ABHD17C: variants seen among roughly 807,000 people sequenced by gnomAD.
ABHD17C encodes the protein alpha/beta hydrolase domain-containing protein 17C.
Under a neutral mutation model 27.9 loss-of-function variants are expected in ABHD17C, and 11 were observed. That is an observed-to-expected ratio of 0.39 (90% CI 0.25 to 0.65). The LOEUF (loss-of-function observed/expected upper bound fraction) is 0.65. Ranked by LOEUF, ABHD17C falls within the 30% of genes least tolerant of loss-of-function variation. The pLI, the probability that ABHD17C is intolerant of heterozygous loss-of-function variation, is 0.45. For synonymous variants in ABHD17C, 233 were observed against 209.1 expected, an observed-to-expected ratio of 1.11 and a Z score of -0.98; for missense variants, 280 against 470.2, an observed-to-expected ratio of 0.60 and a Z score of 3.74.
At chr15:80,725,071 C>T (rs1414979924) in intron 1 of ABHD17C, among the ~76,000 whole-genome samples, 5 of 152,150 alleles carry the variant, frequency 3.3e-5, no homozygotes, top group East Asian at 1.9e-4. Context: ...GGAAGAGGCA[C>T]GAAGACACCA....
intron 1 of ABHD17C, among the ~76,000 whole-genome samples, chr15:80,709,447 C>G (rs372805931): frequency 1.1e-4 from 16 of 151,496 alleles, no homozygotes; most frequent in African/African-American, 3.6e-4. Context: ...TGGGATTACG[C>G]CACTGCACTT....
At chr15:80,729,575 C>A (rs973926876) in intron 1 of ABHD17C, among the ~76,000 whole-genome samples, 1 of 152,036 alleles carries the variant, frequency 6.6e-6, no homozygotes, top group African/African-American at 2.4e-5. Context: ...AAAAACAGTT[C>A]TTGACTACCT....
rs150694702 is a variant in ABHD17C, at chr15:80,707,272, C to A, written c.590+11253C>A. On this transcript the variant is annotated intron_variant, in intron 1 of 2. Transcript: ENST00000258884. ...GATGGAAATGATTTTTAGGGGAATT[C>A]AATGGACTTGAAGAACATACAGTGG... 1.5e-4 allele frequency among the ~76,000 whole-genome samples: 23 copies of A among 152,218 alleles called. No homozygotes were observed. In the East Asian group the frequency reaches 4.4e-3, roughly 29 times the overall value.
chr15:80,712,318 C>T (rs560426823), intron 1 of ABHD17C, among the ~76,000 whole-genome samples: 1 of 152,144 alleles, frequency 6.6e-6, no homozygotes, highest in Non-Finnish European at 1.5e-5. Context: ...GGATGTGGGG[C>T]CTTCATCTCC....
chr15:80,725,982 C>A (rs1487328825), intron 1 of ABHD17C, among the ~76,000 whole-genome samples: 1 of 152,130 alleles, frequency 6.6e-6, no homozygotes, highest in Non-Finnish European at 1.5e-5. Context: ...CCTTCAGAGC[C>A]GAGAGCCCCG....
intron 1 of ABHD17C, among the ~76,000 whole-genome samples, chr15:80,738,648 C>T (rs1050255550): frequency 3.9e-5 from 6 of 152,036 alleles, no homozygotes; most frequent in African/African-American, 1.4e-4. Flanking sequence ...AAAAATTCAT[C>T]CTAGTTCCCA....
chr15:80,728,122 A>G (rs1249956399), intron 1 of ABHD17C, among the ~76,000 whole-genome samples: 2 of 152,174 alleles, frequency 1.3e-5, no homozygotes. Context: ...ACCACCTTGT[A>G]AACTGTTGCC....
chr15:80,725,231 A>C (rs1894956719), intron 1 of ABHD17C, among the ~76,000 whole-genome samples: 1 of 152,242 alleles, frequency 6.6e-6, no homozygotes, highest in Admixed American at 6.5e-5. Flanking sequence ...CACTGAACCC[A>C]TAAATACAGA....
At chr15:80,718,896 T>G (rs1894848338) in intron 1 of ABHD17C, among the ~76,000 whole-genome samples, 1 of 152,200 alleles carries the variant, frequency 6.6e-6, no homozygotes, top group Non-Finnish European at 1.5e-5. Context: ...TCAGTCTGAA[T>G]AATGCCAGCA....
chr15:80,703,812 C>G (rs908034152), intron 1 of ABHD17C, among the ~76,000 whole-genome samples: 1 of 152,202 alleles, frequency 6.6e-6, no homozygotes, highest in East Asian at 1.9e-4. Context: ...TCCCCCCTTA[C>G]CTGGTGGGGG....
intron 2 of ABHD17C, among the ~76,000 whole-genome samples, chr15:80,751,361 A>G (rs1448926356): frequency 1.3e-5 from 2 of 152,132 alleles, no homozygotes; most frequent in African/African-American, 4.8e-5. Context: ...TTCTGTCTCC[A>G]AAGGAAAAAA....
rs753545613 is a variant in ABHD17C at position 80,754,249 on chromosome 15, G to A, written c.869G>A (p.Arg290His). 1.3e-5 allele frequency: 21 copies of A among 1,613,776 alleles called. No homozygotes were observed. The highest frequency in any genetic ancestry group is 2.2e-5 in the South Asian group (2 of 91,078). Residue 290 changes from arginine (R) to histidine (H), a missense_variant, in exon 3 of 3, where the codon CGC becomes CAC. Transcript: ENST00000258884. The stretch of plus-strand genomic sequence containing the variant: ...TCCCATGGCCTAGCGATGTACGAGC[G>A]CTGTCCCCGAGCCGTGGAGCCCCTT... The part of the protein sequence containing the change: ...DFSHGLAMYE[R>H]CPRAVEPLWV...
intron 1 of ABHD17C, among the ~76,000 whole-genome samples, chr15:80,739,351 T>C (rs1333701284): frequency 1.3e-5 from 2 of 152,166 alleles, no homozygotes; most frequent in Non-Finnish European, 2.9e-5. Context: ...TGTTGAATTT[T>C]GTTTTATATG....
intron 1 of ABHD17C, among the ~76,000 whole-genome samples, chr15:80,721,923 C>T (rs1894902903): frequency 6.6e-6 from 1 of 152,116 alleles, no homozygotes; most frequent in Admixed American, 6.5e-5. Flanking sequence ...TCTTAGCTCA[C>T]CCAGGAGGGC....
At chr15:80,703,770 G>A (rs72734199) in intron 1 of ABHD17C, among the ~76,000 whole-genome samples, 2,237 of 152,274 alleles carry the variant, frequency 0.015, 31 homozygotes, top group Non-Finnish European at 0.022. Context: ...TGGAATGTTA[G>A]AAAAGATTTT....
intron 1 of ABHD17C, among the ~76,000 whole-genome samples, chr15:80,715,779 G>A (rs1436708160): frequency 6.6e-6 from 1 of 152,146 alleles, no homozygotes; most frequent in African/African-American, 2.4e-5. Flanking sequence ...ACTTTTACAT[G>A]TTTTCAGGGT....
intron 1 of ABHD17C, among the ~76,000 whole-genome samples, chr15:80,722,282 G>A (rs997973309): frequency 5.4e-5 from 8 of 148,058 alleles, no homozygotes; most frequent in African/African-American, 1.7e-4. Flanking sequence ...GTGAACAGAT[G>A]GGCTCAGGTC....
rs978783750 is a variant in ABHD17C at position 80,713,632 on chromosome 15, A to G, written c.590+17613A>G. On this transcript the variant is annotated intron_variant, in intron 1 of 2. Transcript: ENST00000258884. ...AGACCAGCCTGGCCAACATAGTGAA[A>G]CTCCGTCTCTACTAAAAATACAAAA... Among the ~76,000 whole-genome samples, 4 of 150,990 alleles carry G rather than the reference A, an allele frequency of 2.6e-5. No individual in the cohort carries two copies. The East Asian group carries it at 5.9e-4, about 22-fold the overall frequency.
chr15:80,716,304 A>G (rs1160542762), intron 1 of ABHD17C, among the ~76,000 whole-genome samples: 1 of 152,214 alleles, frequency 6.6e-6, no homozygotes, highest in East Asian at 1.9e-4. Flanking sequence ...AGTTCTCAGT[A>G]AAGGCTCTTT....
Sources: allele counts gnomAD v4.1 joint callset (sites outside exome capture counted in the v4.1 genomes callset), GRCh38; gene constraint gnomAD v4.1.1; transcripts MANE v1.5; gene names NCBI Gene and HGNC (gene_info 2026-07-23, HGNC 2026-07-21).